The following AGBL1 variants were observed in gnomAD, a reference collection of about 807,000 sequenced individuals.
AGBL1 encodes cytosolic carboxypeptidase 4.
Under a neutral mutation model 118.9 loss-of-function variants are expected in AGBL1, and 130 were observed. The observed-to-expected ratio is 1.09, with a 90% CI of 0.95 to 1.26. The LOEUF is 1.26. AGBL1 is among the 50% of genes most tolerant of loss of function. AGBL1 has a pLI of 0.00. For missense variants in AGBL1, 1,584 were observed against 1,298.1 expected, an observed-to-expected ratio of 1.22 and a Z score of -3.38; for synonymous variants, 555 against 478.9, an observed-to-expected ratio of 1.16 and a Z score of -2.08.
At chr15:86,545,309 C>A (rs1037148140) in intron 19 of AGBL1, among the ~76,000 whole-genome samples, 16 of 152,154 alleles carry the variant, frequency 1.1e-4, no homozygotes, top group African/African-American at 3.4e-4. Flanking sequence ...ACATTGGAGC[C>A]TAGAGAAAAA....
At chr15:86,431,745 C>T (rs2081938273) in intron 18 of AGBL1, among the ~76,000 whole-genome samples, 3 of 152,170 alleles carry the variant, frequency 2.0e-5, no homozygotes, top group Admixed American at 2.0e-4. Flanking sequence ...GAGTTGTGGT[C>T]ATTTTATTAG....
intron 21 of AGBL1, among the ~76,000 whole-genome samples, chr15:86,572,486 C>T (rs1355632469): frequency 6.6e-6 from 1 of 152,280 alleles, no homozygotes; most frequent in East Asian, 1.9e-4. Context: ...TGGCAGTTGC[C>T]GGGGTGGCAG....
At chr15:86,620,385 G>C (rs28392550) in intron 21 of AGBL1, among the ~76,000 whole-genome samples, 17,705 of 152,136 alleles carry the variant, frequency 0.12, 1,075 homozygotes, top group East Asian at 0.18. Flanking sequence ...TAAACTTCAC[G>C]CTGTCAGGAG....
At chr15:86,550,103 T>C (rs1304271157) in intron 20 of AGBL1, among the ~76,000 whole-genome samples, 2 of 151,812 alleles carry the variant, frequency 1.3e-5, no homozygotes, top group Non-Finnish European at 2.9e-5. Flanking sequence ...TGTAGAGACC[T>C]ATAGGATAGC....
At chr15:86,227,397 G>A (rs2078383464) in intron 6 of AGBL1, among the ~76,000 whole-genome samples, 1 of 152,244 alleles carries the variant, frequency 6.6e-6, no homozygotes, top group East Asian at 1.9e-4. Context: ...CAGCCTTAAT[G>A]TGTATCAGGG....
At chr15:86,962,476 T>C (rs557887860) in intron 23 of AGBL1, among the ~76,000 whole-genome samples, 1 of 152,212 alleles carries the variant, frequency 6.6e-6, no homozygotes, top group Admixed American at 6.6e-5. Context: ...TCTTTTTACT[T>C]TGTTTACTAT....
At chr15:86,394,158 G>A (rs1342763106) in intron 17 of AGBL1, among the ~76,000 whole-genome samples, 1 of 152,086 alleles carries the variant, frequency 6.6e-6, no homozygotes, top group African/African-American at 2.4e-5. Flanking sequence ...CTCATCTCAT[G>A]TTAAAAATGG....
At chr15:86,782,239 T>C (rs963731105) in intron 22 of AGBL1, among the ~76,000 whole-genome samples, 2 of 152,282 alleles carry the variant, frequency 1.3e-5, no homozygotes, top group Non-Finnish European at 2.9e-5. Context: ...ATTTTTTAAA[T>C]TTTAAGGATT....
chr15:86,125,243 A>G (rs1443893971), intron 1 of AGBL1, among the ~76,000 whole-genome samples: 4 of 152,220 alleles, frequency 2.6e-5, no homozygotes, highest in Admixed American at 2.6e-4. Context: ...TGGTTAACCA[A>G]GATAACTGTT....
At chr15:86,303,041 G>C (rs2079779215) in intron 17 of AGBL1, among the ~76,000 whole-genome samples, 2 of 152,126 alleles carry the variant, frequency 1.3e-5, no homozygotes, top group South Asian at 4.1e-4. Context: ...GGGTAAGGAG[G>C]ATAGTGGTGT....
intron 17 of AGBL1, among the ~76,000 whole-genome samples, chr15:86,318,571 G>A (rs2080054286): frequency 2.0e-5 from 3 of 151,798 alleles, no homozygotes; most frequent in African/African-American, 7.3e-5. Context: ...AGAGCCAGAT[G>A]TGTAGTCAAA....
At chr15:86,548,496 G>T (rs987074875) in intron 20 of AGBL1, among the ~76,000 whole-genome samples, 3 of 152,116 alleles carry the variant, frequency 2.0e-5, no homozygotes, top group African/African-American at 7.2e-5. Flanking sequence ...ACCAAATACA[G>T]ATGATAAATT....
intron 22 of AGBL1, among the ~76,000 whole-genome samples, chr15:86,895,971 C>G (rs563310895): frequency 3.3e-5 from 5 of 152,014 alleles, no homozygotes; most frequent in South Asian, 2.1e-4. Flanking sequence ...TAAATATTAT[C>G]TCTTACCCAT....
At chr15:86,423,806 C>A (rs1332453760) in intron 18 of AGBL1, among the ~76,000 whole-genome samples, 2 of 152,096 alleles carry the variant, frequency 1.3e-5, no homozygotes. Flanking sequence ...AATAAAATAC[C>A]TAGCAATACA....
chr15:86,467,020 C>T (rs746574941), intron 18 of AGBL1, among the ~76,000 whole-genome samples: 7 of 152,248 alleles, frequency 4.6e-5, no homozygotes, highest in Non-Finnish European at 8.8e-5. Context: ...ATCTGCTGCT[C>T]TCTTCAGAAC....
At chr15:86,154,684 C>A in intron 4 of AGBL1, 123 bp downstream of exon 4, 1 of 1,223,632 alleles carries the variant, frequency 8.2e-7, no homozygotes, top group Non-Finnish European at 1.1e-6. Context: ...TGGTCCCAGC[C>A]AGATAAATAA....
At chr15:86,820,873 A>T (rs908609188) in intron 22 of AGBL1, among the ~76,000 whole-genome samples, 2 of 152,200 alleles carry the variant, frequency 1.3e-5, no homozygotes, top group Non-Finnish European at 2.9e-5. Context: ...TTAAAGACAC[A>T]TGCACACGTA....
At chr15:86,232,553 A>G (rs1158680158) in intron 6 of AGBL1, among the ~76,000 whole-genome samples, 1 of 152,038 alleles carries the variant, frequency 6.6e-6, no homozygotes, top group Non-Finnish European at 1.5e-5. Flanking sequence ...TATTTAAGGG[A>G]GTTGGGAGGA....
chr15:86,424,840 A>C (rs1223916491), intron 18 of AGBL1, among the ~76,000 whole-genome samples: 1 of 152,248 alleles, frequency 6.6e-6, no homozygotes, highest in Non-Finnish European at 1.5e-5. Context: ...CCACAATGAG[A>C]TACCATCTCA....
Sources: gnomAD v4.1 joint callset for allele counts (sites outside exome capture counted in the v4.1 genomes callset) on GRCh38, gnomAD v4.1.1 for gene constraint, MANE v1.5 for transcripts, NCBI Gene and HGNC (gene_info 2026-07-23, HGNC 2026-07-21) for gene names.